The following PRELID2 variants were observed in gnomAD, a reference collection of about 807,000 sequenced individuals.
The protein encoded by PRELID2 is PRELI domain containing 2, also known as PRELI domain-containing protein 2.
PRELID2 carries 25 observed loss-of-function variants against 28.4 expected under a neutral mutation model. That is an observed-to-expected ratio of 0.88 (90% CI 0.64 to 1.23). The LOEUF is 1.23. Ranked by LOEUF, PRELID2 falls within the 50% of genes most tolerant of loss-of-function variation. PRELID2 has a pLI of 0.00. For synonymous variants in PRELID2, 76 were observed against 71.6 expected, an observed-to-expected ratio of 1.06 and a Z score of -0.31; for missense variants, 201 against 214.4, an observed-to-expected ratio of 0.94 and a Z score of 0.39.
chr5:145,525,163 A>G (rs1580967867), intron 1 of PRELID2, among the ~76,000 whole-genome samples: 1 of 152,294 alleles, frequency 6.6e-6, no homozygotes, highest in East Asian at 1.9e-4. Context: ...GGAAACCAAG[A>G]CTCAGAAGGT....
the PRELID2 span, among the ~76,000 whole-genome samples, chr5:145,281,270 A>C: frequency 1.3e-5 from 2 of 152,208 alleles, no homozygotes; most frequent in Non-Finnish European, 2.9e-5. Flanking sequence ...GAACTAGATC[A>C]ACTGTTTATC....
At chr5:145,421,658 A>G in the PRELID2 span, among the ~76,000 whole-genome samples, 11 of 140,512 alleles carry the variant, frequency 7.8e-5, no homozygotes, top group South Asian at 2.2e-3. Context: ...CGGTCTATCA[A>G]TTTTGTTGAT....
the PRELID2 span, among the ~76,000 whole-genome samples, chr5:145,444,409 C>A: frequency 6.6e-6 from 1 of 151,990 alleles, no homozygotes; most frequent in Non-Finnish European, 1.5e-5. Flanking sequence ...AGATGTTTTG[C>A]TCTGTGTGAT....
chr5:145,641,547 A>G (rs1754106266), intron 1 of PRELID2, among the ~76,000 whole-genome samples: 2 of 152,256 alleles, frequency 1.3e-5, no homozygotes, highest in African/African-American at 4.8e-5. Flanking sequence ...GTTCTGGGGT[A>G]TGTGTGCAGA....
intron 1 of PRELID2, among the ~76,000 whole-genome samples, chr5:145,605,641 G>A (rs1262630918): frequency 6.6e-6 from 1 of 151,954 alleles, no homozygotes; most frequent in Non-Finnish European, 1.5e-5. Flanking sequence ...GCTTAGGATT[G>A]CCTTGGCTAT....
At chr5:145,611,461 G>A (rs571804328) in intron 1 of PRELID2, among the ~76,000 whole-genome samples, 1 of 152,242 alleles carries the variant, frequency 6.6e-6, no homozygotes, top group African/African-American at 2.4e-5. Context: ...ACCACAACCA[G>A]CCTCAAATTT....
At chr5:145,610,031 C>A (rs919153249) in intron 1 of PRELID2, among the ~76,000 whole-genome samples, 2 of 152,228 alleles carry the variant, frequency 1.3e-5, no homozygotes, top group African/African-American at 4.8e-5. Context: ...AGAGGTCCTG[C>A]TGGACTGGAG....
the PRELID2 span, among the ~76,000 whole-genome samples, chr5:145,331,364 G>A: frequency 6.6e-6 from 1 of 152,174 alleles, no homozygotes; most frequent in African/African-American, 2.4e-5. Context: ...AATATTGACA[G>A]TGGGATCTTA....
At chr5:145,621,461 A>G (rs367831422) in intron 1 of PRELID2, among the ~76,000 whole-genome samples, 7 of 152,206 alleles carry the variant, frequency 4.6e-5, no homozygotes, top group African/African-American at 1.7e-4. Flanking sequence ...GTTTTTAGCA[A>G]CATTAGTGAT....
intron 1 of PRELID2, among the ~76,000 whole-genome samples, chr5:145,518,560 G>T (rs1752538834): frequency 6.6e-6 from 1 of 152,140 alleles, no homozygotes; most frequent in African/African-American, 2.4e-5. Flanking sequence ...TACAGATGTT[G>T]CCAGTTAAAT....
intron 4 of PRELID2, among the ~76,000 whole-genome samples, chr5:145,809,410 G>A (rs1475913242): frequency 1.3e-5 from 2 of 152,074 alleles, no homozygotes; most frequent in Admixed American, 6.5e-5. Context: ...GAGAGGGTGG[G>A]CCAAATGGGG....
At chr5:145,473,920 T>C (rs1312926718) in intron 1 of PRELID2, among the ~76,000 whole-genome samples, 1 of 152,238 alleles carries the variant, frequency 6.6e-6, no homozygotes, top group Non-Finnish European at 1.5e-5. Context: ...AGCATACTTA[T>C]GTTAATTTTG....
chr5:145,723,667 C>A (rs906890823), intron 1 of PRELID2, among the ~76,000 whole-genome samples: 1 of 152,178 alleles, frequency 6.6e-6, no homozygotes, highest in Non-Finnish European at 1.5e-5. Context: ...TCTTCTATCA[C>A]ATTGGCAAAA....
At chr5:145,666,776 G>C (rs757829672) in intron 1 of PRELID2, among the ~76,000 whole-genome samples, 1 of 152,150 alleles carries the variant, frequency 6.6e-6, no homozygotes, top group East Asian at 1.9e-4. Context: ...CATTTCTCGA[G>C]TCCTTGTTTG....
chr5:145,513,072 C>T (rs1752479395), intron 1 of PRELID2, among the ~76,000 whole-genome samples: 1 of 151,978 alleles, frequency 6.6e-6, no homozygotes, highest in East Asian at 2.0e-4. Context: ...AACCAGAATG[C>T]CTCTTCTCCT....
chr5:145,799,886 C>CT (rs1484883796), intron 4 of PRELID2, among the ~76,000 whole-genome samples: 3 of 152,154 alleles, frequency 2.0e-5, no homozygotes, highest in Admixed American at 6.6e-5. Context: ...TTCCTTAATG[C>CT]TTTTAGGCAA....
At chr5:145,394,777 G>C in the PRELID2 span, among the ~76,000 whole-genome samples, 1 of 152,090 alleles carries the variant, frequency 6.6e-6, no homozygotes, top group African/African-American at 2.4e-5. Context: ...TGGTGGTTAG[G>C]AGAGCAAATG....
chr5:145,254,401 C>T, the PRELID2 span, among the ~76,000 whole-genome samples: 67 of 152,230 alleles, frequency 4.4e-4, 1 homozygote, highest in Admixed American at 2.1e-3. Context: ...GATTATTTTG[C>T]TCTCTGTTCA....
At chr5:145,820,123 GT>G (rs74273635) in intron 2 of PRELID2, 105 bp from the exon 3 acceptor site, 32,263 of 262,524 alleles carry the variant, frequency 0.12, 3,017 homozygotes, top group African/African-American at 0.39. Context: ...TTTGTTTTTT[GT>G]TTTTTTTTTT....
Sources: allele counts gnomAD v4.1 joint callset (sites outside exome capture counted in the v4.1 genomes callset), GRCh38; gene constraint gnomAD v4.1.1; transcripts MANE v1.5; gene names NCBI Gene and HGNC (gene_info 2026-07-23, HGNC 2026-07-21).